TNKS: variants seen among roughly 807,000 people sequenced by gnomAD.
TNKS encodes the protein tankyrase, also known as poly [ADP-ribose] polymerase tankyrase-1.
Under a neutral mutation model 135.8 loss-of-function variants are expected in TNKS, and 72 were observed. The ratio of observed to expected loss-of-function variants is 0.53; its 90% CI spans 0.44 to 0.64. The LOEUF (loss-of-function observed/expected upper bound fraction) is 0.64, where lower values mean the gene tolerates loss of function less well. TNKS is among the 30% of genes least tolerant of loss of function. The pLI is 0.00. For missense variants in TNKS, 1,769 were observed against 1,674.0 expected, an observed-to-expected ratio of 1.06 and a Z score of -0.99; for synonymous variants, 849 against 649.3, an observed-to-expected ratio of 1.31 and a Z score of -4.68.
chr8:9,719,736 T>A (rs955379234), intron 11 of TNKS, among the ~76,000 whole-genome samples: 3 of 152,184 alleles, frequency 2.0e-5, no homozygotes, highest in Admixed American at 6.5e-5. Flanking sequence ...TTGACCAGAT[T>A]AAGAACATGA....
At chr8:9,671,304 G>A (rs1421156728) in intron 3 of TNKS, 2 of 152,132 alleles carry the variant, frequency 1.3e-5, no homozygotes. Flanking sequence ...CTCTGTAAAT[G>A]TTGCCAGTAG....
intron 18 of TNKS, among the ~76,000 whole-genome samples, chr8:9,748,959 C>T (rs1806381540): frequency 6.6e-6 from 1 of 152,102 alleles, no homozygotes; most frequent in South Asian, 2.1e-4. Flanking sequence ...AAGGCAGGGG[C>T]CTCTCTAGTC....
intron 13 of TNKS, among the ~76,000 whole-genome samples, chr8:9,730,354 A>C (rs1228664184): frequency 6.6e-6 from 1 of 152,226 alleles, no homozygotes; most frequent in Non-Finnish European, 1.5e-5. Context: ...CGTTGCCCCA[A>C]AAGGCAAGTA....
At chr8:9,764,845 C>T in intron 23 of TNKS, 55 bp downstream of exon 23, 1 of 1,382,856 alleles carries the variant, frequency 7.2e-7, no homozygotes, top group East Asian at 2.5e-5. Flanking sequence ...GCCTAAAAAC[C>T]AAATCTAGAC....
chr8:9,577,746 C>G (rs764513004), intron 1 of TNKS, among the ~76,000 whole-genome samples: 3 of 152,114 alleles, frequency 2.0e-5, no homozygotes, highest in African/African-American at 7.2e-5. Context: ...GTCCCTGGCT[C>G]CTCCCAAATC....
chr8:9,741,365 G>T (rs957783791), intron 17 of TNKS, among the ~76,000 whole-genome samples: 1 of 152,026 alleles, frequency 6.6e-6, no homozygotes, highest in Non-Finnish European at 1.5e-5. Context: ...ATCTAGTAAG[G>T]CTTATGTTAC....
chr8:9,715,007 T>C (rs1804534939), intron 11 of TNKS, among the ~76,000 whole-genome samples: 1 of 152,064 alleles, frequency 6.6e-6, no homozygotes, highest in African/African-American at 2.4e-5. Flanking sequence ...TAAGGAAAGA[T>C]CCTTTGAGGA....
At chr8:9,618,212 C>T (rs1257003098) in intron 3 of TNKS, among the ~76,000 whole-genome samples, 3 of 152,138 alleles carry the variant, frequency 2.0e-5, no homozygotes, top group African/African-American at 7.2e-5. Flanking sequence ...ATCTCGAACT[C>T]CTGACCTCAG....
intron 3 of TNKS, among the ~76,000 whole-genome samples, chr8:9,664,115 C>T (rs1026714338): frequency 6.6e-6 from 1 of 152,066 alleles, no homozygotes; most frequent in African/African-American, 2.4e-5. Flanking sequence ...AGGAATACCT[C>T]GAGGCTGGGT....
Position 9,742,003 on chromosome 8 carries a change from C to T in TNKS, c.2644-6021C>T, listed in dbSNP as rs183015504. Among the ~76,000 whole-genome samples the T allele has an allele frequency of 7.9e-5, 12 of 152,222 alleles. No individual in the cohort carries two copies. In the East Asian group the frequency reaches 1.5e-3, roughly 20 times the overall value. ...TTTTATGTTTGTTAAATCCCTACTA[C>T]TTAGCTCTTTGTAAATGAAGGTAAC... On this transcript the variant is annotated intron_variant, in intron 17 of 26. Transcript: ENST00000310430.
At chr8:9,747,478 G>A (rs1452245953) in intron 17 of TNKS, among the ~76,000 whole-genome samples, 1 of 152,104 alleles carries the variant, frequency 6.6e-6, no homozygotes, top group Non-Finnish European at 1.5e-5. Flanking sequence ...CAATCATTTA[G>A]ACATAACAGA....
intron 17 of TNKS, among the ~76,000 whole-genome samples, chr8:9,745,430 G>C (rs1241880789): frequency 6.6e-6 from 1 of 151,942 alleles, no homozygotes; most frequent in South Asian, 2.1e-4. Context: ...TTTTGAGATG[G>C]AATCTCACTC....
intron 1 of TNKS, among the ~76,000 whole-genome samples, chr8:9,560,344 G>A (rs138315620): frequency 9.5e-4 from 144 of 151,874 alleles, no homozygotes; most frequent in African/African-American, 3.4e-3. Flanking sequence ...GATTATGATA[G>A]GTAATGTGAG....
chr8:9,565,973 A>C (rs1186893780), intron 1 of TNKS, among the ~76,000 whole-genome samples: 1 of 152,208 alleles, frequency 6.6e-6, no homozygotes, highest in South Asian at 2.1e-4. Flanking sequence ...TATATGTCAA[A>C]TTATATGTTG....
At chr8:9,633,401 C>G (rs1049708934) in intron 3 of TNKS, among the ~76,000 whole-genome samples, 2 of 152,142 alleles carry the variant, frequency 1.3e-5, no homozygotes, top group African/African-American at 4.8e-5. Flanking sequence ...GTGAAGTTCT[C>G]TAGAACTACT....
chr8:9,736,372 A>T (rs973001655), intron 17 of TNKS, among the ~76,000 whole-genome samples: 3 of 151,102 alleles, frequency 2.0e-5, no homozygotes, highest in African/African-American at 7.3e-5. Context: ...AAAAAAAAAA[A>T]AATTAAATGG....
intron 1 of TNKS, among the ~76,000 whole-genome samples, chr8:9,574,592 C>A (rs926288425): frequency 2.0e-5 from 3 of 152,320 alleles, no homozygotes; most frequent in East Asian, 1.9e-4. Context: ...CACATACTTA[C>A]AATGAAACCC....
At chr8:9,655,216 G>A (rs1383262153) in intron 3 of TNKS, among the ~76,000 whole-genome samples, 2 of 152,210 alleles carry the variant, frequency 1.3e-5, no homozygotes, top group African/African-American at 4.8e-5. Context: ...CCATTGCCCA[G>A]GCTTGAGTAG....
intron 14 of TNKS, among the ~76,000 whole-genome samples, chr8:9,731,827 G>A (rs185199923): frequency 8.6e-4 from 131 of 152,074 alleles, no homozygotes; most frequent in African/African-American, 2.9e-3. Context: ...TCGCTCTGTC[G>A]CCCAGGCTGG....
Sources: gnomAD v4.1 joint callset for allele counts (sites outside exome capture counted in the v4.1 genomes callset) on GRCh38, gnomAD v4.1.1 for gene constraint, MANE v1.5 for transcripts, NCBI Gene and HGNC (gene_info 2026-07-23, HGNC 2026-07-21) for gene names.